CAMKMT: variants seen among roughly 807,000 people sequenced by gnomAD.
The protein encoded by CAMKMT is CaM KMT.
A neutral mutation model predicts 48.0 loss-of-function variants in CAMKMT; 53 were observed. The observed-to-expected ratio is 1.10, with a 90% CI of 0.89 to 1.39. The LOEUF is 1.39. Among genes scored for constraint, CAMKMT ranks in the 40% most tolerant of loss-of-function variants. The pLI, the probability that CAMKMT is intolerant of heterozygous loss-of-function variation, is 0.00. For missense variants in CAMKMT, 428 were observed against 402.7 expected, an observed-to-expected ratio of 1.06 and a Z score of -0.54; for synonymous variants, 165 against 152.3, an observed-to-expected ratio of 1.08 and a Z score of -0.61.
intron 3 of CAMKMT, among the ~76,000 whole-genome samples, chr2:44,535,226 C>A (rs12473067): frequency 0.47 from 71,111 of 151,972 alleles, 18,439 homozygotes; most frequent in Non-Finnish European, 0.59. Flanking sequence ...AGACCAATAA[C>A]AAGTAATGAG....
chr2:44,760,072 C>G (rs1680554808), intron 9 of CAMKMT, among the ~76,000 whole-genome samples: 1 of 152,060 alleles, frequency 6.6e-6, no homozygotes, highest in Non-Finnish European at 1.5e-5. Context: ...TGAATATGCA[C>G]TAGGAGCACT....
At position 44,532,239 on chromosome 2, in the gene CAMKMT, T is replaced by G. The variant is rs1666526171; in HGVS notation, c.376+141934T>G. On this transcript the variant is annotated intron_variant, in intron 3 of 10. Transcript: ENST00000378494. ...TGCTGGAACAGTCACATGTTTTTGT[T>G]GATCAAAGAATGTACAAATGTCTAG... Among the ~76,000 whole-genome samples the G allele has an allele frequency of 5.9e-5, 9 of 152,226 alleles. 1 individual carries two copies. Among genetic ancestry groups the G allele is most frequent in the Admixed American group, 5.9e-4 (9 of 15,280 alleles).
intron 3 of CAMKMT, among the ~76,000 whole-genome samples, chr2:44,533,981 A>C (rs1468994043): frequency 6.6e-6 from 1 of 152,240 alleles, no homozygotes; most frequent in Admixed American, 6.5e-5. Context: ...TGCCTACAAG[A>C]AACTCACTTC....
chr2:44,701,539 C>G (rs1356267582), intron 3 of CAMKMT, among the ~76,000 whole-genome samples: 1 of 152,100 alleles, frequency 6.6e-6, no homozygotes, highest in African/African-American at 2.4e-5. Context: ...AACCTCTGAC[C>G]AGATATCCCA....
rs181590616 is a variant in CAMKMT, at chr2:44,716,324, A to G, written c.623+971A>G. Among the ~76,000 whole-genome samples, 154 of 152,242 alleles carry G rather than the reference A, an allele frequency of 1.0e-3. 1 individual carries two copies. Among genetic ancestry groups the G allele is most frequent in the Admixed American group, 7.2e-3 (110 of 15,282 alleles). On this transcript the variant is annotated intron_variant, in intron 7 of 10. Coordinates refer to ENST00000378494, the MANE Select transcript of CAMKMT (RefSeq NM_024766.5). ...GCCCACAGACTGATTTCTCTTGGAC[A>G]CACCCACGATACAGCCCCGGCAGCC...
intron 3 of CAMKMT, among the ~76,000 whole-genome samples, chr2:44,651,109 CT>C: frequency 6.6e-6 from 1 of 152,284 alleles, no homozygotes; most frequent in South Asian, 2.1e-4. Flanking sequence ...TATAATCCTT[CT>C]GAAGAGCATT....
intron 3 of CAMKMT, among the ~76,000 whole-genome samples, chr2:44,493,008 C>A (rs1342554034): frequency 6.6e-6 from 1 of 151,900 alleles, no homozygotes; most frequent in Non-Finnish European, 1.5e-5. Flanking sequence ...ATTCTCCTGC[C>A]TCAGCCTCCT....
chr2:44,508,030 G>C (rs1339449835), intron 3 of CAMKMT, among the ~76,000 whole-genome samples: 1 of 152,138 alleles, frequency 6.6e-6, no homozygotes, highest in Non-Finnish European at 1.5e-5. Context: ...TAGCACTTAT[G>C]GGCTGAGACT....
rs1470334909 is a variant in CAMKMT, at chr2:44,410,224, G to A, written c.376+19919G>A. 3.3e-4 allele frequency among the ~76,000 whole-genome samples: 4 copies of A among 12,276 alleles called. 1 individual carries two copies. The highest frequency in any genetic ancestry group is 2.7e-3 in the African/African-American group (4 of 1,484). 8.1% of individuals were successfully genotyped at this position (12,276 alleles called of 152,430 possible). A position where few individuals can be genotyped will look rare whatever the true frequency, so the allele number is the denominator to read the frequency against. On this transcript the variant is annotated intron_variant, in intron 3 of 10. Coordinates refer to ENST00000378494, the MANE Select transcript of CAMKMT (RefSeq NM_024766.5). ...CCTGACAAACTTAAGTAATTAGTCA[G>A]GTATCAGTATATATATATATATATT...
chr2:44,533,202 G>A lies in CAMKMT; in HGVS notation c.376+142897G>A, dbSNP rs1169339195. Among the ~76,000 whole-genome samples the A allele has an allele frequency of 2.0e-5, 3 of 151,674 alleles. No individual in the cohort carries two copies. In the East Asian group the frequency reaches 5.9e-4, roughly 30 times the overall value. On this transcript the variant is annotated intron_variant, in intron 3 of 10. Coordinates refer to ENST00000378494, the MANE Select transcript of CAMKMT (RefSeq NM_024766.5). ...AGATAACTGCATCTTTTTTCTGAGG[G>A]GCAAATCCAGTAATCTCATTAAAAA...
intron 3 of CAMKMT, among the ~76,000 whole-genome samples, chr2:44,675,286 T>C (rs1188879588): frequency 6.6e-6 from 1 of 152,190 alleles, no homozygotes; most frequent in Non-Finnish European, 1.5e-5. Flanking sequence ...CTAATGAGGC[T>C]CTTTCAAAAG....
intron 3 of CAMKMT, among the ~76,000 whole-genome samples, chr2:44,540,037 AAT>A (rs1258505556): frequency 6.6e-6 from 1 of 152,130 alleles, no homozygotes; most frequent in Admixed American, 6.5e-5. Flanking sequence ...TACATTGACA[AAT>A]AATCATGCCC....
chr2:44,479,887 A>G (rs1668878211), intron 3 of CAMKMT, among the ~76,000 whole-genome samples: 2 of 152,190 alleles, frequency 1.3e-5, no homozygotes, highest in African/African-American at 4.8e-5. Context: ...TTAAATTATG[A>G]AGTATAAATT....
At chr2:44,631,276 T>C (rs149388304) in intron 3 of CAMKMT, among the ~76,000 whole-genome samples, 5,929 of 152,042 alleles carry the variant, frequency 0.039, 331 homozygotes, top group African/African-American at 0.12. Context: ...AGGGATAGCA[T>C]TGAGAGATAT....
chr2:44,534,375 T>C (rs1558684055), intron 3 of CAMKMT, among the ~76,000 whole-genome samples: 1 of 152,180 alleles, frequency 6.6e-6, no homozygotes, highest in Admixed American at 6.5e-5. Flanking sequence ...CTGGACTTTA[T>C]ACCAAATGGG....
In CAMKMT at chr2:44,372,754, T is replaced by A; in HGVS notation, c.177T>A (p.His59Gln). The A allele has an allele frequency of 6.2e-7, 1 of 1,613,564 alleles. No homozygotes were observed. The highest frequency in any genetic ancestry group is 1.1e-5 in the South Asian group (1 of 90,992). ...AACACCTGGATGATTGCCTGCGACA[T>A]GTATCTGTAAGAAGATTTGAATCAT... ...KQKHLDDCLRHVSVRRFESFN... is the reference protein window; with the variant it reads ...KQKHLDDCLRQVSVRRFESFN... The change falls in exon 2 of 11, where the codon CAT becomes CAA. Residue 59 changes from histidine (H) to glutamine (Q), a missense_variant. Coordinates refer to ENST00000378494, the MANE Select transcript of CAMKMT (RefSeq NM_024766.5).
chr2:44,480,773 T>C (rs1387458055), intron 3 of CAMKMT, among the ~76,000 whole-genome samples: 1 of 115,194 alleles, frequency 8.7e-6, no homozygotes, highest in Non-Finnish European at 2.3e-5. Flanking sequence ...ATTAGGTACA[T>C]TTGTAAACTC....
At chr2:44,416,006 G>T (rs774919288) in intron 3 of CAMKMT, among the ~76,000 whole-genome samples, 2 of 152,154 alleles carry the variant, frequency 1.3e-5, no homozygotes, top group South Asian at 4.1e-4. Context: ...ATCTAAATGT[G>T]AACTAACATT....
intron 2 of CAMKMT, among the ~76,000 whole-genome samples, chr2:44,373,637 A>T (rs912736818): frequency 3.3e-5 from 5 of 152,222 alleles, no homozygotes; most frequent in African/African-American, 9.6e-5. Flanking sequence ...AATAAGGTTT[A>T]GGTGAGGCTA....
Sources: allele counts gnomAD v4.1 joint callset (sites outside exome capture counted in the v4.1 genomes callset), GRCh38; gene constraint gnomAD v4.1.1; transcripts MANE v1.5; gene names NCBI Gene and HGNC (gene_info 2026-07-23, HGNC 2026-07-21).